SVIL: variants seen among roughly 807,000 people sequenced by gnomAD.
The protein encoded by SVIL is archvillin.
In SVIL, 101 loss-of-function variants were observed where a neutral mutation model predicts 240.4. The observed-to-expected ratio is 0.42, with a 90% CI of 0.36 to 0.50. SVIL has a LOEUF of 0.50. SVIL is among the 20% of genes least tolerant of loss of function. The pLI, the probability that SVIL is intolerant of heterozygous loss-of-function variation, is 0.01. For missense variants in SVIL, 2,512 were observed against 2,818.7 expected (o/e 0.89, Z 2.46); for synonymous variants, 999 against 1,100.0 (o/e 0.91, Z 1.82).
At chr10:29,469,135 C>G (rs189165408) in intron 32 of SVIL, 2 of 152,302 alleles carry the variant, frequency 1.3e-5, no homozygotes, top group East Asian at 3.9e-4. Flanking sequence ...TGTGAATGAG[C>G]TCTTCATTGT....
At chr10:29,462,899 C>T (rs149400190) in intron 35 of SVIL, among the ~76,000 whole-genome samples, 1 of 151,788 alleles carries the variant, frequency 6.6e-6, no homozygotes, top group African/African-American at 2.4e-5. Flanking sequence ...TGACATTAAA[C>T]TAGTTGTGTC....
chr10:29,471,280 C>T lies in SVIL; in HGVS notation c.5530-37G>A, dbSNP rs2274494. 574,471 of 1,527,722 alleles carry T rather than the reference C, an allele frequency of 0.38. 109,941 individuals carry two copies. Among genetic ancestry groups the T allele is most frequent in the East Asian group, 0.53 (22,923 of 42,986 alleles). The allele number at this position is 1,527,722 out of a possible 1,614,324, so 94.6% of individuals were successfully genotyped here. A position where few individuals can be genotyped will look rare whatever the true frequency, so the allele number is the denominator to read the frequency against. On this transcript the variant is annotated intron_variant, in intron 30 of 37. Coordinates refer to ENST00000355867, the MANE Select transcript of SVIL (RefSeq NM_021738.3). Reference sequence around the variant, plus strand: ...AACAGAGGTAAATAGGTAAGGGGCGCGGGGCTTTCAAAGTCCTAAAAACAA... The same window carrying T: ...AACAGAGGTAAATAGGTAAGGGGCGTGGGGCTTTCAAAGTCCTAAAAACAA...
intron 1 of SVIL, among the ~76,000 whole-genome samples, chr10:29,717,232 C>CA (rs71023503): frequency 0.11 from 4,172 of 38,372 alleles, 1,135 homozygotes; most frequent in Non-Finnish European, 0.15. Flanking sequence ...GACTCTCTCT[C>CA]AAAAAAAAAA....
At position 29,541,467 on chromosome 10, in the gene SVIL, G is replaced by T. The variant is rs560392197; in HGVS notation, c.828-5398C>A. Among the ~76,000 whole-genome samples the T allele has an allele frequency of 3.1e-4, 47 of 152,232 alleles. No individual in the cohort carries two copies. The South Asian group carries it at 8.5e-3, about 28-fold the overall frequency. On this transcript the variant is annotated intron_variant, in intron 6 of 37. Coordinates refer to ENST00000355867, the MANE Select transcript of SVIL (RefSeq NM_021738.3). Reference sequence around the variant, plus strand: ...TACCTCATTTAAAAAATATGTCATCGTTGGGTTACAGAGTAAGGACTTCTT... The same window carrying T: ...TACCTCATTTAAAAAATATGTCATCTTTGGGTTACAGAGTAAGGACTTCTT...
upstream of SVIL, among the ~76,000 whole-genome samples, chr10:29,736,349 G>A (rs1021902213): frequency 2.0e-5 from 3 of 152,258 alleles, no homozygotes; most frequent in African/African-American, 7.2e-5. Context: ...GTAGCTCTCA[G>A]GGTGGTGGCA....
At chr10:29,587,136 C>G (rs1417666007) in intron 1 of SVIL, among the ~76,000 whole-genome samples, 1 of 152,362 alleles carries the variant, frequency 6.6e-6, no homozygotes, top group African/African-American at 2.4e-5. Flanking sequence ...AAGAAAGCCT[C>G]GTACCATTCT....
At position 29,695,921 on chromosome 10, in the gene SVIL, G is replaced by GTCTCCC. The variant is rs1159014662; in HGVS notation, c.-399-9276_-399-9271dup. Among the ~76,000 whole-genome samples, 85 of 56,044 alleles carry GTCTCCC rather than the reference G, an allele frequency of 1.5e-3. 1 individual carries two copies. The highest frequency in any genetic ancestry group is 6.4e-3 in the South Asian group (7 of 1,088). 36.8% of individuals were successfully genotyped at this position (56,044 alleles called of 152,430 possible). A position where few individuals can be genotyped will look rare whatever the true frequency, so the allele number is the denominator to read the frequency against. ...TCTCCCGTCTCCCTCTCCCTCTCCC[G>GTCTCCC]TCTCCCTCTCCCTCTCCCTCTCCCT... On this transcript the variant is annotated intron_variant, in intron 1 of 35. Transcript: ENST00000375400.
At chr10:29,579,476 A>G (rs1352466202) in intron 1 of SVIL, among the ~76,000 whole-genome samples, 1 of 151,252 alleles carries the variant, frequency 6.6e-6, no homozygotes, top group Non-Finnish European at 1.5e-5. Flanking sequence ...AAAACAAAAA[A>G]CAAAAACGGG....
At chr10:29,485,172 T>A (rs1016687911) in intron 26 of SVIL, among the ~76,000 whole-genome samples, 2 of 151,806 alleles carry the variant, frequency 1.3e-5, no homozygotes, top group African/African-American at 4.9e-5. Flanking sequence ...TTCCTCCCCC[T>A]CTCATGTGCT....
At chr10:29,628,616 G>T (rs558530696) in intron 1 of SVIL, among the ~76,000 whole-genome samples, 2 of 152,054 alleles carry the variant, frequency 1.3e-5, no homozygotes, top group Non-Finnish European at 2.9e-5. Flanking sequence ...TTGGGTCTTC[G>T]CCCAGAACCG....
intron 31 of SVIL, 85 bp from the exon 32 acceptor site, chr10:29,470,568 T>TC: frequency 6.6e-7 from 1 of 1,504,944 alleles, no homozygotes. Flanking sequence ...CGCTGTGTCG[T>TC]CCAAGGCAGC....
chr10:29,732,507 A>G (rs891285190), intron 1 of SVIL, among the ~76,000 whole-genome samples: 1 of 152,236 alleles, frequency 6.6e-6, no homozygotes, highest in African/African-American at 2.4e-5. Context: ...CATATGAAAT[A>G]GCTATACTGG....
chr10:29,570,462 G>A (rs1481981124), intron 1 of SVIL, among the ~76,000 whole-genome samples: 1 of 152,166 alleles, frequency 6.6e-6, no homozygotes, highest in Non-Finnish European at 1.5e-5. Flanking sequence ...TGTTCAATCA[G>A]TGAACTGAAC....
intron 27 of SVIL, chr10:29,483,465 C>G (rs1947099076): frequency 6.6e-6 from 1 of 152,184 alleles, no homozygotes; most frequent in Non-Finnish European, 1.5e-5. Flanking sequence ...GAAACGAAAA[C>G]ACATCTCTGG....
At chr10:29,465,262 G>A (rs1944768735) in intron 34 of SVIL, among the ~76,000 whole-genome samples, 1 of 152,192 alleles carries the variant, frequency 6.6e-6, no homozygotes, top group Non-Finnish European at 1.5e-5. Context: ...CAGTCGACGG[G>A]TGACCATGCA....
chr10:29,585,738 G>C (rs1450804667), intron 1 of SVIL, among the ~76,000 whole-genome samples: 3 of 152,184 alleles, frequency 2.0e-5, no homozygotes, highest in Admixed American at 1.3e-4. Flanking sequence ...ATGAGCCCTG[G>C]TGCCCCAAGA....
At chr10:29,675,401 G>A (rs1439189006) in intron 2 of SVIL, among the ~76,000 whole-genome samples, 1 of 152,192 alleles carries the variant, frequency 6.6e-6, no homozygotes, top group Non-Finnish European at 1.5e-5. Context: ...CTTCTCAGGA[G>A]ACTGAGGCTG....
chr10:29,690,393 C>T lies in SVIL; in HGVS notation c.-399-3742G>A, dbSNP rs192837256. On this transcript the variant is annotated intron_variant, in intron 1 of 35. Transcript: ENST00000375400. ...ATTTAAGTGGATTGACCTTAAATGG[C>T]CTTTTTTCTGGTTCTCATTATCCTT... Among the ~76,000 whole-genome samples, 16 of 152,062 alleles carry T rather than the reference C, an allele frequency of 1.1e-4. No individual in the cohort carries two copies. The East Asian group carries it at 3.1e-3, about 29-fold the overall frequency.
intron 1 of SVIL, chr10:29,698,143 G>T (rs1272203133): frequency 2.7e-6 from 2 of 748,080 alleles, no homozygotes; most frequent in East Asian, 3.9e-5. Context: ...TTGCTGTTCC[G>T]GCGCCCACTA....
Sources: gnomAD v4.1 joint callset for allele counts (sites outside exome capture counted in the v4.1 genomes callset) on GRCh38, gnomAD v4.1.1 for gene constraint, MANE v1.5 for transcripts, NCBI Gene and HGNC (gene_info 2026-07-23, HGNC 2026-07-21) for gene names.